ABCB9: variants seen among roughly 807,000 people sequenced by gnomAD.
The protein encoded by ABCB9 is ATP binding cassette subfamily B member 9, also known as ABC-type oligopeptide transporter ABCB9.
Under a neutral mutation model 62.0 loss-of-function variants are expected in ABCB9, and 36 were observed. The ratio of observed to expected loss-of-function variants is 0.58; its 90% CI spans 0.45 to 0.77. The LOEUF (loss-of-function observed/expected upper bound fraction) is 0.77, where lower values mean the gene tolerates loss of function less well. ABCB9 is among the 30% of genes least tolerant of loss of function. The probability of loss-of-function intolerance (pLI) is 0.00; values close to 1 mark genes in which losing one functional copy is unlikely to be tolerated. For synonymous variants in ABCB9, 435 were observed against 461.4 expected (o/e 0.94, Z 0.73); for missense variants, 943 against 1,054.7 (o/e 0.89, Z 1.47).
chr12:122,949,064 G>A, intron 4 of ABCB9: 1 of 381,240 alleles, frequency 2.6e-6, no homozygotes, highest in Non-Finnish European at 4.7e-6. Flanking sequence ...GGAGGAGGCT[G>A]GGGCTCAGAA....
intron 6 of ABCB9, 59 bp downstream of exon 6, chr12:122,945,966 T>TC: frequency 6.4e-7 from 1 of 1,563,890 alleles, no homozygotes; most frequent in African/African-American, 1.4e-5. Flanking sequence ...ATCGAGGGCT[T>TC]CCCCCATCTT....
intron 7 of ABCB9, among the ~76,000 whole-genome samples, chr12:122,942,496 G>A (rs1053207839): frequency 2.0e-5 from 3 of 151,872 alleles, no homozygotes; most frequent in Non-Finnish European, 2.9e-5. Flanking sequence ...GTGCATGCCT[G>A]TAGTCCCAGC....
chr12:122,919,881 G>GTTTATTTATTTATTTA (rs200114805), downstream of ABCB9, among the ~76,000 whole-genome samples: 1 of 138,814 alleles, frequency 7.2e-6, no homozygotes, highest in Non-Finnish European at 1.5e-5. Context: ...CTGTTTGTTT[G>GTTTATTTATTTATTTA]TTTATTTATT....
Position 122,929,583 on chromosome 12 carries a change from T to G in ABCB9, c.*328A>C. ...CCATTACTCCCAATTAGAAAAAGGT[T>G]TTTGAAATCTAGGAGTTGACTGGGG... is the stretch of plus-strand genomic sequence containing the variant. On this transcript the variant is annotated 3_prime_UTR_variant, in exon 12 of 12. Coordinates refer to ENST00000280560, the MANE Select transcript of ABCB9 (RefSeq NM_019625.4). This position sits in a 1 kb window ranked among gnomAD's most constrained non-coding sequence, Gnocchi z 6.0. The G allele has an allele frequency of 8.8e-7, 1 of 1,134,212 alleles. No individual in the cohort carries two copies. The highest frequency in any genetic ancestry group is 1.1e-6 in the Non-Finnish European group (1 of 926,218). The allele number at this position is 1,134,212 out of a possible 1,614,324, so 70.3% of individuals were successfully genotyped here.
chr12:122,927,809 G>T (rs188212759), downstream of ABCB9, among the ~76,000 whole-genome samples: 105 of 152,342 alleles, frequency 6.9e-4, 1 homozygote, highest in Admixed American at 5.9e-3. Context: ...ACATGTGCTT[G>T]TTGGTCCTCG....
downstream of ABCB9, chr12:122,924,803 C>T: frequency 6.5e-7 from 1 of 1,534,874 alleles, no homozygotes; most frequent in Non-Finnish European, 8.7e-7. Flanking sequence ...CCTGGTTTAC[C>T]CAGCACACTG....
chr12:122,918,813 G>A (rs1161266984), downstream of ABCB9, among the ~76,000 whole-genome samples: 1 of 152,014 alleles, frequency 6.6e-6, no homozygotes, highest in Non-Finnish European at 1.5e-5. Context: ...TCACAATATT[G>A]TGCAAACACC....
intron 1 of ABCB9, among the ~76,000 whole-genome samples, chr12:122,960,562 C>T (rs1399344377): frequency 6.6e-6 from 1 of 152,084 alleles, no homozygotes; most frequent in East Asian, 1.9e-4. Context: ...GATCCCTGCT[C>T]TCCTGGAGAT....
chr12:122,936,859 G>A (rs1005610427), intron 9 of ABCB9, among the ~76,000 whole-genome samples: 39 of 150,512 alleles, frequency 2.6e-4, no homozygotes, highest in African/African-American at 8.3e-4. Flanking sequence ...AGCTGAGATC[G>A]TGCCATTGTA....
chr12:122,923,500 A>G (rs561227844), intron 11 of ABCB9, among the ~76,000 whole-genome samples: 16 of 152,198 alleles, frequency 1.1e-4, no homozygotes, highest in Middle Eastern at 3.4e-3. Flanking sequence ...TGTGTTAGCC[A>G]GGATGGTCTC....
At chr12:122,925,425 G>C (rs2034872006), downstream of ABCB9, among the ~76,000 whole-genome samples, 1 of 152,048 alleles carries the variant, frequency 6.6e-6, no homozygotes, top group Non-Finnish European at 1.5e-5. Context: ...ATCTACCCAA[G>C]AGAGGCGAAA....
rs994525280 is a variant in ABCB9 at position 122,959,122 on chromosome 12, C to T, written c.601+513G>A. 6.6e-5 allele frequency among the ~76,000 whole-genome samples: 10 copies of T among 151,016 alleles called. No homozygotes were observed. The highest frequency in any genetic ancestry group is 1.3e-4 in the Non-Finnish European group (9 of 67,780). ...ATCCCAGCACTTTGGGAGGCCGAGGCCAGTGGATCACCTGAGGTCAGGAGT... is the reference window on the plus strand; with the variant it reads ...ATCCCAGCACTTTGGGAGGCCGAGGTCAGTGGATCACCTGAGGTCAGGAGT... On this transcript the variant is annotated intron_variant, in intron 2 of 11. Transcript: ENST00000280560. The surrounding 1 kb of genome is among the most constrained non-coding windows in gnomAD (Gnocchi z 5.4).
At chr12:122,919,656 C>T (rs1236687342), downstream of ABCB9, among the ~76,000 whole-genome samples, 1 of 152,148 alleles carries the variant, frequency 6.6e-6, no homozygotes, top group Non-Finnish European at 1.5e-5. Context: ...TTTTCACCAT[C>T]TGGAGTTTAT....
At chr12:122,966,115 T>C (rs1818984182) in intron 1 of ABCB9, among the ~76,000 whole-genome samples, 172 bp downstream of exon 1, 1 of 152,190 alleles carries the variant, frequency 6.6e-6, no homozygotes, top group Admixed American at 6.5e-5. Context: ...GGATGGGGGC[T>C]GGGAGCTGCG....
At chr12:122,924,861 G>T, downstream of ABCB9, 2 of 1,529,064 alleles carry the variant, frequency 1.3e-6, no homozygotes, top group African/African-American at 2.7e-5. Flanking sequence ...AATTGTAACA[G>T]AAAAAAGTCA....
chr12:122,953,187 T>A (rs2036448125), intron 2 of ABCB9: 1 of 151,832 alleles, frequency 6.6e-6, no homozygotes, highest in African/African-American at 2.4e-5. Context: ...GGGCTAGTCC[T>A]TCTGCCTGGA....
chr12:122,938,680 T>C (rs920632577), intron 9 of ABCB9, among the ~76,000 whole-genome samples: 10 of 151,312 alleles, frequency 6.6e-5, no homozygotes, highest in African/African-American at 1.9e-4. Flanking sequence ...TACAAAAAAT[T>C]AGCCAGGCGT....
intron 1 of ABCB9, among the ~76,000 whole-genome samples, chr12:122,961,819 T>C (rs866712308): frequency 9.2e-5 from 14 of 152,302 alleles, no homozygotes; most frequent in Non-Finnish European, 4.4e-5. Flanking sequence ...AAAATGTGAG[T>C]GTGAGGTTCA....
intron 1 of ABCB9, among the ~76,000 whole-genome samples, chr12:122,973,979 A>G (rs2037335088): frequency 6.6e-6 from 1 of 152,262 alleles, no homozygotes; most frequent in African/African-American, 2.4e-5. Context: ...CGGGAGGCAG[A>G]GGTTGCAGTG....
Sources: allele counts gnomAD v4.1 joint callset (sites outside exome capture counted in the v4.1 genomes callset), GRCh38; gene constraint gnomAD v4.1.1; non-coding constraint Gnocchi (gnomAD v3.1); transcripts MANE v1.5; gene names NCBI Gene and HGNC (gene_info 2026-07-23, HGNC 2026-07-21).